Variants in CADM2 observed in about 807,000 individuals in gnomAD.
The protein encoded by CADM2 is cell adhesion molecule 2, also known as immunoglobulin superfamily member 4D.
A neutral mutation model predicts 49.8 loss-of-function variants in CADM2; 12 were observed. That is an observed-to-expected ratio of 0.24 (90% CI 0.15 to 0.39). CADM2 has a LOEUF of 0.39. Ranked by LOEUF, CADM2 falls within the 10% of genes least tolerant of loss-of-function variation. The probability of loss-of-function intolerance (pLI) is 1.00; values close to 1 mark genes in which losing one functional copy is unlikely to be tolerated. For missense variants in CADM2, 378 were observed against 492.3 expected (o/e 0.77, Z 2.20); for synonymous variants, 214 against 175.4 (o/e 1.22, Z -1.74).
rs2069307669 is a variant in CADM2 at position 85,760,227 on chromosome 3, A to G, written c.88+33679A>G. Among the ~76,000 whole-genome samples, 3 of 152,162 alleles carry G rather than the reference A, an allele frequency of 2.0e-5. No homozygotes were observed. The South Asian group carries it at 6.2e-4, about 31-fold the overall frequency. ...ATTGGGAAAATGTTCAAATCAATGT[A>G]CTAGTTGTTATGTTCAAAATTCCAT... On this transcript the variant is annotated intron_variant, in intron 2 of 9. Transcript: ENST00000383699.
chr3:85,050,653 T>C (rs2035847774), intron 1 of CADM2, among the ~76,000 whole-genome samples: 1 of 152,194 alleles, frequency 6.6e-6, no homozygotes, highest in Non-Finnish European at 1.5e-5. Context: ...AGGTAGCAGA[T>C]GCATTTCTAG....
intron 1 of CADM2, among the ~76,000 whole-genome samples, chr3:85,497,689 T>C (rs996941871): frequency 1.3e-5 from 2 of 152,108 alleles, no homozygotes; most frequent in African/African-American, 4.8e-5. Flanking sequence ...CCTAAAAATC[T>C]ATTATATTTT....
intron 1 of CADM2, among the ~76,000 whole-genome samples, chr3:85,651,008 C>G (rs550926251): frequency 6.7e-6 from 1 of 150,146 alleles, no homozygotes; most frequent in African/African-American, 2.5e-5. Context: ...CCCCCAAAAA[C>G]GTATTGAATG....
chr3:85,700,890 G>A (rs544429261), intron 1 of CADM2, among the ~76,000 whole-genome samples: 1 of 151,994 alleles, frequency 6.6e-6, no homozygotes, highest in African/African-American at 2.4e-5. Flanking sequence ...ACCTCTGCCT[G>A]TACCCACTTC....
At chr3:85,789,583 G>T (rs2071206401) in intron 2 of CADM2, among the ~76,000 whole-genome samples, 1 of 152,116 alleles carries the variant, frequency 6.6e-6, no homozygotes, top group Non-Finnish European at 1.5e-5. Context: ...AGGAACAAAA[G>T]TAGCCTGGTG....
chr3:85,157,373 C>T (rs1347534943), intron 1 of CADM2, among the ~76,000 whole-genome samples: 2 of 151,732 alleles, frequency 1.3e-5, no homozygotes, highest in Admixed American at 6.6e-5. Flanking sequence ...AAAGAGCCCG[C>T]ATCGCCAAGT....
chr3:86,040,902 C>T (rs1735812489), intron 8 of CADM2, among the ~76,000 whole-genome samples: 1 of 152,124 alleles, frequency 6.6e-6, no homozygotes, highest in Non-Finnish European at 1.5e-5. Flanking sequence ...ACTCTACAAG[C>T]CAGAAGAGAG....
At chr3:85,061,234 G>A (rs1447795270) in intron 1 of CADM2, among the ~76,000 whole-genome samples, 1 of 151,912 alleles carries the variant, frequency 6.6e-6, no homozygotes, top group Non-Finnish European at 1.5e-5. Context: ...ATATACCCTT[G>A]TCAATAAAAA....
At chr3:85,010,345 AC>A (rs2033929935) in intron 1 of CADM2, among the ~76,000 whole-genome samples, 1 of 152,324 alleles carries the variant, frequency 6.6e-6, no homozygotes, top group South Asian at 2.1e-4. Context: ...GATATTTGAT[AC>A]CGTAATTAGA....
intron 1 of CADM2, among the ~76,000 whole-genome samples, chr3:85,145,290 T>C (rs943148167): frequency 6.6e-6 from 1 of 152,200 alleles, no homozygotes. Context: ...AGTGGTTGAA[T>C]TTTTGTAAAG....
intron 3 of CADM2, among the ~76,000 whole-genome samples, chr3:85,853,675 G>GAA (rs749697927): frequency 7.4e-6 from 1 of 134,714 alleles, no homozygotes; most frequent in Admixed American, 7.6e-5. Flanking sequence ...TCCATGAGAT[G>GAA]AAAAAAAAAA....
At position 85,471,982 on chromosome 3, in the gene CADM2, C is replaced by T. The variant is rs536370285; in HGVS notation, c.62-254540C>T. On this transcript the variant is annotated intron_variant, in intron 1 of 9. Coordinates refer to ENST00000383699, the MANE Select transcript of CADM2 (RefSeq NM_001167675.2). ...TCAAATTAAATGTGTTCAATCTCTA[C>T]GTAAGTGTAGTGAGACTCTTAGTGT... Among the ~76,000 whole-genome samples the T allele has an allele frequency of 2.0e-4, 30 of 151,848 alleles. No individual in the cohort carries two copies. The South Asian group carries it at 3.5e-3, about 18-fold the overall frequency.
chr3:85,896,449 T>A (rs919439662), intron 5 of CADM2, among the ~76,000 whole-genome samples: 7 of 152,196 alleles, frequency 4.6e-5, no homozygotes, highest in Non-Finnish European at 1.0e-4. Context: ...TTTAGCCTTT[T>A]AAAATAGCCA....
At chr3:85,881,771 C>G (rs895326873) in intron 3 of CADM2, among the ~76,000 whole-genome samples, 6 of 152,056 alleles carry the variant, frequency 3.9e-5, no homozygotes, top group African/African-American at 1.2e-4. Flanking sequence ...TTTTTGGCAC[C>G]AGGAACCAGT....
chr3:85,379,511 C>T (rs1335874947), intron 1 of CADM2, among the ~76,000 whole-genome samples: 1 of 151,942 alleles, frequency 6.6e-6, no homozygotes, highest in East Asian at 1.9e-4. Flanking sequence ...GGGAGGCAAA[C>T]TCTTTGACTT....
intron 6 of CADM2, among the ~76,000 whole-genome samples, chr3:85,922,178 C>A (rs1380143002): frequency 6.6e-6 from 1 of 151,516 alleles, no homozygotes; most frequent in South Asian, 2.1e-4. Context: ...CTTCCTCTTT[C>A]CCCTTCTTTC....
chr3:86,067,105 A>G lies in CADM2; in HGVS notation c.*322A>G. 1 of 213,888 alleles carries G rather than the reference A, an allele frequency of 4.7e-6. No homozygotes were observed. The highest frequency in any genetic ancestry group is 9.4e-6 in the Non-Finnish European group (1 of 106,760). 13.2% of individuals were successfully genotyped at this position (213,888 alleles called of 1,614,324 possible). ...ATTGAGTGGTTTTTATACATTAAAA[A>G]ATGTATGCAGAGTTTTTTTCCCCCA... On this transcript the variant is annotated 3_prime_UTR_variant, in exon 10 of 10. Transcript: ENST00000383699.
intron 3 of CADM2, among the ~76,000 whole-genome samples, chr3:85,811,701 A>G (rs919540573): frequency 6.6e-6 from 1 of 152,202 alleles, no homozygotes; most frequent in Non-Finnish European, 1.5e-5. Flanking sequence ...ATCTAGGAGT[A>G]TCATTTTAGA....
intron 2 of CADM2, among the ~76,000 whole-genome samples, chr3:85,751,480 A>G (rs1432906847): frequency 1.3e-5 from 2 of 152,134 alleles, no homozygotes; most frequent in East Asian, 3.9e-4. Flanking sequence ...CTATGTTCCT[A>G]TTTCATGGAA....
Sources: allele counts gnomAD v4.1 joint callset (sites outside exome capture counted in the v4.1 genomes callset), GRCh38; gene constraint gnomAD v4.1.1; transcripts MANE v1.5; gene names NCBI Gene and HGNC (gene_info 2026-07-23, HGNC 2026-07-21).